The following PIK3C2G variants were observed in gnomAD, a reference collection of about 807,000 sequenced individuals.
PIK3C2G encodes the protein phosphatidylinositol 3-kinase C2 domain-containing subunit gamma.
PIK3C2G carries 168 observed loss-of-function variants against 181.1 expected under a neutral mutation model. The ratio of observed to expected loss-of-function variants is 0.93; its 90% CI spans 0.82 to 1.05. The LOEUF (loss-of-function observed/expected upper bound fraction) is 1.05. PIK3C2G is among the 50% of genes least tolerant of loss of function. The pLI is 0.00. For missense variants in PIK3C2G, 1,869 were observed against 1,732.8 expected (o/e 1.08, Z -1.40); for synonymous variants, 573 against 592.2 (o/e 0.97, Z 0.47).
intron 3 of PIK3C2G, among the ~76,000 whole-genome samples, chr12:18,289,668 G>C (rs1252495708): frequency 6.6e-6 from 1 of 152,156 alleles, no homozygotes; most frequent in African/African-American, 2.4e-5. Flanking sequence ...CAGAAACTAA[G>C]GGGATGGGAT....
intron 31 of PIK3C2G, among the ~76,000 whole-genome samples, chr12:18,629,527 G>A (rs940326622): frequency 6.6e-6 from 1 of 152,168 alleles, no homozygotes; most frequent in Non-Finnish European, 1.5e-5. Context: ...TGGTGACTAA[G>A]GATTAATTCT....
At chr12:18,260,468 A>G (rs1328792094), upstream of PIK3C2G, among the ~76,000 whole-genome samples, 1 of 151,986 alleles carries the variant, frequency 6.6e-6, no homozygotes, top group Non-Finnish European at 1.5e-5. Context: ...TCAAGCTCCC[A>G]TTTTTCTGTG....
intron 6 of PIK3C2G, among the ~76,000 whole-genome samples, chr12:18,315,895 G>C (rs1950839577): frequency 7.2e-6 from 1 of 139,448 alleles, no homozygotes; most frequent in Admixed American, 7.0e-5. Flanking sequence ...GCATCCACGT[G>C]TGTGTGTGTG....
At chr12:18,575,719 G>T (rs1342848056) in intron 29 of PIK3C2G, among the ~76,000 whole-genome samples, 3 of 152,166 alleles carry the variant, frequency 2.0e-5, no homozygotes, top group Non-Finnish European at 4.4e-5. Flanking sequence ...TGGAAATCGG[G>T]AAAAGTCGTG....
chr12:18,319,624 A>G (rs1459247876), intron 6 of PIK3C2G, among the ~76,000 whole-genome samples: 1 of 152,214 alleles, frequency 6.6e-6, no homozygotes, highest in African/African-American at 2.4e-5. Context: ...TGGTTTTTAA[A>G]TGAATATGAT....
At position 18,640,551 on chromosome 12, in the gene PIK3C2G, A is replaced by T; in HGVS notation, c.4305A>T (p.Glu1435Asp). ...VPKCTDPTYN[E>D]IVVYDEVTEL... ...AATGTACGGACCCCACTTACAATGA[A>T]ATTGTAAGTATAAGTCACCTTTTGT... The change falls in exon 32 of 33, where the codon GAA (glutamate) becomes GAT (aspartate). Residue 1435 changes from glutamate (E) to aspartate (D), a missense_variant. Transcript: ENST00000538779. 1 of 1,593,176 alleles carries T rather than the reference A, an allele frequency of 6.3e-7. No homozygotes were observed. The highest frequency in any genetic ancestry group is 8.6e-7 in the Non-Finnish European group (1 of 1,167,974).
In PIK3C2G at chr12:18,640,176, A is replaced by T. The variant is rs2136791379; in HGVS notation, c.4183-253A>T. 2.0e-5 allele frequency among the ~76,000 whole-genome samples: 3 copies of T among 152,154 alleles called. No individual in the cohort carries two copies. The Middle Eastern group carries it at 0.01, about 518-fold the overall frequency. ...TTACAGCAAAAAATTAAAGTAAATT[A>T]TATGTAATGGACTTTAAATGTAGTT... is the stretch of plus-strand genomic sequence containing the variant. On this transcript the variant is annotated intron_variant, in intron 31 of 32. Transcript: ENST00000538779.
At chr12:18,415,370 T>C (rs1195602420) in intron 16 of PIK3C2G, among the ~76,000 whole-genome samples, 2 of 152,202 alleles carry the variant, frequency 1.3e-5, no homozygotes, top group Non-Finnish European at 2.9e-5. Context: ...TGCAATTGTT[T>C]TGAGGCACCA....
intron 29 of PIK3C2G, among the ~76,000 whole-genome samples, chr12:18,588,403 A>G (rs923251606): frequency 1.3e-5 from 2 of 152,128 alleles, no homozygotes; most frequent in Non-Finnish European, 2.9e-5. Context: ...TTTACAGGAA[A>G]AAAAACAACC....
At chr12:18,560,623 G>T (rs1006880606) in intron 26 of PIK3C2G, among the ~76,000 whole-genome samples, 5 of 151,708 alleles carry the variant, frequency 3.3e-5, no homozygotes, top group Admixed American at 2.0e-4. Flanking sequence ...AGAAATAAAG[G>T]CACTGAAGAT....
chr12:18,469,257 C>G (rs909132880), intron 18 of PIK3C2G, among the ~76,000 whole-genome samples: 6 of 152,026 alleles, frequency 3.9e-5, no homozygotes, highest in African/African-American at 9.7e-5. Context: ...AGACCCATTT[C>G]TGAAAAGGAG....
At chr12:18,579,524 G>A (rs564381755) in intron 29 of PIK3C2G, among the ~76,000 whole-genome samples, 2 of 152,102 alleles carry the variant, frequency 1.3e-5, no homozygotes, top group South Asian at 2.1e-4. Context: ...AAATCTCTGA[G>A]ATCTCTCTGT....
upstream of PIK3C2G, among the ~76,000 whole-genome samples, chr12:18,260,672 A>G (rs1195046290): frequency 6.6e-6 from 1 of 152,132 alleles, no homozygotes; most frequent in East Asian, 1.9e-4. Flanking sequence ...AAATCTAAAA[A>G]GAAGAAAAAA....
At chr12:18,542,225 G>A (rs185725781) in intron 25 of PIK3C2G, among the ~76,000 whole-genome samples, 8 of 151,928 alleles carry the variant, frequency 5.3e-5, no homozygotes, top group Non-Finnish European at 1.2e-4. Flanking sequence ...GCCTCAATGA[G>A]CACACGGAAG....
chr12:18,324,066 A>G (rs1397890207), intron 7 of PIK3C2G, among the ~76,000 whole-genome samples: 2 of 151,872 alleles, frequency 1.3e-5, no homozygotes, highest in Non-Finnish European at 2.9e-5. Flanking sequence ...TAAAAATACA[A>G]AACATTAGCC....
upstream of PIK3C2G, among the ~76,000 whole-genome samples, chr12:18,246,031 T>C (rs1341629666): frequency 5.3e-5 from 8 of 152,116 alleles, no homozygotes; most frequent in Admixed American, 1.3e-4. Context: ...GAAGTTAAGG[T>C]TTTAGCTGAG....
chr12:18,251,368 T>C (rs1229089068), intron 1 of PIK3C2G, among the ~76,000 whole-genome samples: 1 of 152,026 alleles, frequency 6.6e-6, no homozygotes, highest in Non-Finnish European at 1.5e-5. Context: ...TGGGAGCTTT[T>C]TTTTGTCTAT....
chr12:18,259,732 A>G (rs1273069816), upstream of PIK3C2G, among the ~76,000 whole-genome samples: 13 of 137,268 alleles, frequency 9.5e-5, no homozygotes, highest in Admixed American at 9.7e-4. Context: ...ATAGACAGGA[A>G]ATCAAATAAA....
intron 26 of PIK3C2G, among the ~76,000 whole-genome samples, chr12:18,546,850 C>T (rs1805298849): frequency 6.6e-6 from 1 of 151,990 alleles, no homozygotes; most frequent in African/African-American, 2.4e-5. Flanking sequence ...CTGTGACTCT[C>T]TTCTACTTTT....
Sources: gnomAD v4.1 joint callset for allele counts (sites outside exome capture counted in the v4.1 genomes callset) on GRCh38, gnomAD v4.1.1 for gene constraint, MANE v1.5 for transcripts, NCBI Gene and HGNC (gene_info 2026-07-23, HGNC 2026-07-21) for gene names.